Variants in SNTG1 observed in about 807,000 individuals in gnomAD.
SNTG1 encodes the protein syntrophin gamma 1, also known as gamma-1-syntrophin.
In SNTG1, 39 loss-of-function variants were observed where a neutral mutation model predicts 74.7. That is an observed-to-expected ratio of 0.52 (90% CI 0.40 to 0.68). SNTG1 has a LOEUF of 0.68. SNTG1 is among the 30% of genes least tolerant of loss of function. The pLI is 0.00. For synonymous variants in SNTG1, 254 were observed against 217.1 expected (o/e 1.17, Z -1.49); for missense variants, 685 against 609.5 (o/e 1.12, Z -1.30).
intron 9 of SNTG1, among the ~76,000 whole-genome samples, chr8:50,514,530 G>A (rs1381925327): frequency 6.6e-6 from 1 of 151,932 alleles, no homozygotes; most frequent in Admixed American, 6.6e-5. Context: ...ACTCATTTGT[G>A]TATTTTTCAG....
In SNTG1 at chr8:49,962,678, C is replaced by A. The variant is rs984269623; in HGVS notation, c.-103+50447C>A. 5.9e-5 allele frequency among the ~76,000 whole-genome samples: 9 copies of A among 152,132 alleles called. No homozygotes were observed. In the South Asian group the frequency reaches 6.2e-4, roughly 11 times the overall value. On this transcript the variant is annotated intron_variant, in intron 1 of 18. Coordinates refer to ENST00000642720, the MANE Select transcript of SNTG1 (RefSeq NM_018967.5). ...TGATGTGACCTCAACTCACTGCAAC[C>A]TCTTCCTCCCAGTTCAAGAGATGCT...
At position 50,752,906 on chromosome 8, in the gene SNTG1, C is replaced by G. The variant is rs552507160; in HGVS notation, c.1395+795C>G. 2.6e-5 allele frequency among the ~76,000 whole-genome samples: 4 copies of G among 152,070 alleles called. No individual in the cohort carries two copies. The South Asian group carries it at 8.3e-4, about 31-fold the overall frequency. On this transcript the variant is annotated intron_variant, in intron 18 of 18. Transcript: ENST00000642720. ...CTTTTCTCTCAACTGTTTTCCTTAGCTTTTTGTCTGAGTATCTCTCGAGAT... is the reference window on the plus strand; with the variant it reads ...CTTTTCTCTCAACTGTTTTCCTTAGGTTTTTGTCTGAGTATCTCTCGAGAT...
intron 1 of SNTG1, among the ~76,000 whole-genome samples, chr8:50,100,309 G>A (rs911022927): frequency 1.1e-4 from 16 of 151,958 alleles, no homozygotes; most frequent in Non-Finnish European, 2.2e-4. Flanking sequence ...TTTTATTAAA[G>A]GATGCAAAAT....
chr8:50,268,953 C>T (rs2087628820), intron 2 of SNTG1, among the ~76,000 whole-genome samples: 2 of 152,066 alleles, frequency 1.3e-5, no homozygotes, highest in African/African-American at 2.4e-5. Flanking sequence ...GCCATCGCAC[C>T]CAGCCTCAAC....
chr8:50,007,760 T>C (rs1253264310), intron 1 of SNTG1, among the ~76,000 whole-genome samples: 2 of 152,070 alleles, frequency 1.3e-5, no homozygotes, highest in African/African-American at 4.8e-5. Flanking sequence ...GGAAAGAGAA[T>C]GTGTTAGTCA....
intron 18 of SNTG1, 79 bp downstream of exon 18, chr8:50,752,190 G>A: frequency 1.5e-6 from 1 of 680,630 alleles, no homozygotes; most frequent in Non-Finnish European, 2.3e-6. Flanking sequence ...AACTTTCGGG[G>A]AATCACAAGA....
At chr8:50,163,557 A>G (rs2082504104) in intron 1 of SNTG1, 1 of 149,978 alleles carries the variant, frequency 6.7e-6, no homozygotes, top group Non-Finnish European at 1.5e-5. Context: ...GGTCACTGCA[A>G]CCTCCACCTC....
At chr8:50,231,032 C>A (rs537789114) in intron 2 of SNTG1, among the ~76,000 whole-genome samples, 3 of 151,210 alleles carry the variant, frequency 2.0e-5, no homozygotes, top group Admixed American at 2.0e-4. Flanking sequence ...ATAAGGAACT[C>A]AACTAACTCT....
chr8:50,337,858 C>T (rs757731290), intron 2 of SNTG1, among the ~76,000 whole-genome samples: 17 of 152,122 alleles, frequency 1.1e-4, no homozygotes, highest in Non-Finnish European at 2.2e-4. Flanking sequence ...TCTTTTAGGC[C>T]GGGCGCAGTG....
chr8:49,986,797 C>A (rs183087233), intron 1 of SNTG1, among the ~76,000 whole-genome samples: 3 of 151,818 alleles, frequency 2.0e-5, no homozygotes, highest in African/African-American at 7.2e-5. Flanking sequence ...GGGAGGGTCA[C>A]ATGAACCCAG....
At chr8:50,747,437 T>TG (rs11423920) in intron 17 of SNTG1, among the ~76,000 whole-genome samples, 63,235 of 151,680 alleles carry the variant, frequency 0.42, 15,614 homozygotes, top group African/African-American at 0.69. Flanking sequence ...ACAAGTTTTT[T>TG]TGTGCATGTG....
chr8:50,188,690 C>T lies in SNTG1; in HGVS notation c.-28+16055C>T, dbSNP rs190074820. Among the ~76,000 whole-genome samples, 17 of 152,230 alleles carry T rather than the reference C, an allele frequency of 1.1e-4. No homozygotes were observed. In the East Asian group the frequency reaches 3.3e-3, roughly 29 times the overall value. On this transcript the variant is annotated intron_variant, in intron 2 of 18. Coordinates refer to ENST00000642720, the MANE Select transcript of SNTG1 (RefSeq NM_018967.5). ...ACTTCCATTTGATAATGGAGTACTG[C>T]AGTGCACACCCAACTGTGACTTTTG...
intron 1 of SNTG1, among the ~76,000 whole-genome samples, chr8:50,129,914 A>T (rs1009292073): frequency 1.3e-5 from 2 of 152,140 alleles, no homozygotes; most frequent in African/African-American, 4.8e-5. Flanking sequence ...CTGGATCCAC[A>T]GGCGTGAGCC....
intron 13 of SNTG1, 116 bp downstream of exon 13, chr8:50,591,033 C>T: frequency 3.3e-6 from 2 of 600,380 alleles, no homozygotes; most frequent in Non-Finnish European, 5.4e-6. Context: ...CATTTACTAT[C>T]TTCAGTGAGA....
At chr8:50,670,985 G>A (rs1223118034) in intron 15 of SNTG1, among the ~76,000 whole-genome samples, 1 of 150,508 alleles carries the variant, frequency 6.6e-6, no homozygotes, top group Non-Finnish European at 1.5e-5. Flanking sequence ...AAACTGGCTA[G>A]CCATATGTAG....
chr8:50,478,979 G>C (rs1480202302), intron 8 of SNTG1, among the ~76,000 whole-genome samples: 2 of 152,046 alleles, frequency 1.3e-5, no homozygotes, highest in Admixed American at 1.3e-4. Context: ...AAACTTCCAA[G>C]CTCCTCTCTA....
At chr8:50,729,177 G>T (rs757162072) in intron 17 of SNTG1, among the ~76,000 whole-genome samples, 2 of 152,182 alleles carry the variant, frequency 1.3e-5, no homozygotes. Context: ...TGGATAGCTT[G>T]CTGGTGCCCT....
intron 12 of SNTG1, among the ~76,000 whole-genome samples, chr8:50,579,183 G>T (rs561469693): frequency 2.6e-5 from 4 of 152,158 alleles, no homozygotes; most frequent in Non-Finnish European, 5.9e-5. Context: ...TGAGGAACTT[G>T]TTGGGAACTG....
chr8:50,012,324 G>A (rs1271933444), intron 1 of SNTG1, among the ~76,000 whole-genome samples: 2 of 152,004 alleles, frequency 1.3e-5, no homozygotes, highest in East Asian at 1.9e-4. Flanking sequence ...CGGGGCTGTT[G>A]TATGTTCTGG....
Sources: gnomAD v4.1 joint callset for allele counts (sites outside exome capture counted in the v4.1 genomes callset) on GRCh38, gnomAD v4.1.1 for gene constraint, MANE v1.5 for transcripts, NCBI Gene and HGNC (gene_info 2026-07-23, HGNC 2026-07-21) for gene names.